Variants in CENPM observed in about 807,000 individuals in gnomAD.
The protein encoded by CENPM is centromere protein M, also known as interphase centromere complex protein 39.
A neutral mutation model predicts 19.6 loss-of-function variants in CENPM; 14 were observed. That is an observed-to-expected ratio of 0.71 (90% CI 0.47 to 1.11). The LOEUF (loss-of-function observed/expected upper bound fraction) is 1.11. Ranked by LOEUF, CENPM falls within the 50% of genes most tolerant of loss-of-function variation. The pLI is 0.00. For synonymous variants in CENPM, 114 were observed against 101.5 expected (o/e 1.12, Z -0.74); for missense variants, 239 against 228.4 (o/e 1.05, Z -0.30).
chr22:41,929,892 G>A, the CENPM span, among the ~76,000 whole-genome samples: 1 of 151,666 alleles, frequency 6.6e-6, no homozygotes, highest in Non-Finnish European at 1.5e-5. Context: ...ACCAATGTGG[G>A]GAATGTTAGT....
the CENPM span, among the ~76,000 whole-genome samples, chr22:41,933,151 A>G: frequency 1.3e-5 from 2 of 152,166 alleles, no homozygotes; most frequent in Non-Finnish European, 2.9e-5. Context: ...GAGAAGGCCC[A>G]GTGACCAGGA....
chr22:41,935,594 C>T (rs1425090308), downstream of CENPM, among the ~76,000 whole-genome samples: 2 of 152,172 alleles, frequency 1.3e-5, no homozygotes, highest in Admixed American at 1.3e-4. Flanking sequence ...AGCCTCCCCT[C>T]CTCAAGCAGA....
At chr22:41,941,012 C>T (rs2077734024) in intron 5 of CENPM, among the ~76,000 whole-genome samples, 1 of 152,186 alleles carries the variant, frequency 6.6e-6, no homozygotes, top group Non-Finnish European at 1.5e-5. Flanking sequence ...GCTCCCAGAG[C>T]TCAGCAAATC....
At chr22:41,928,134 C>A in the CENPM span, 1 of 400,652 alleles carries the variant, frequency 2.5e-6, no homozygotes, top group South Asian at 1.9e-5. The surrounding 1 kb of genome is among the most constrained non-coding windows in gnomAD (Gnocchi z 4.0). Context: ...ACGAGGGAGC[C>A]ACTGGGGCTT....
rs746777274 is a variant in CENPM, at chr22:41,939,061, G to A, written c.538C>T (p.Leu180=). Residue 180 remains leucine (L), a synonymous_variant, in exon 6 of 6, where the codon CTG becomes TTG. Coordinates refer to ENST00000215980, the MANE Select transcript of CENPM (RefSeq NM_024053.5). Reference sequence around the variant, plus strand: ...AGCCCAGGGGCCAGCCACCCTCACAGGTCCTCCAGGGAGGGGCCCTCAGAG... The same window carrying A: ...AGCCCAGGGGCCAGCCACCCTCACAAGTCCTCCAGGGAGGGGCCCTCAGAG... ...RSSEGPSLED[L] 6.2e-7 allele frequency: 1 copy of A among 1,612,912 alleles called. No individual in the cohort carries two copies. The highest frequency in any genetic ancestry group is 1.7e-4 in the Middle Eastern group (1 of 6,052).
chr22:41,933,280 G>A, the CENPM span, among the ~76,000 whole-genome samples: 16,109 of 151,682 alleles, frequency 0.11, 1,454 homozygotes, highest in Admixed American at 0.28. Context: ...AAAGGGGCCC[G>A]CCAGGCAGCC....
chr22:41,946,997 G>A lies in CENPM; in HGVS notation c.57+23C>T, dbSNP rs549358080. ...CGCCCAGGAGGAAAAACCGGCGGGG[G>A]AAGCAGGGCCGCCTGCACCTACCAA... On this transcript the variant is annotated intron_variant, in intron 1 of 5. Coordinates refer to ENST00000215980, the MANE Select transcript of CENPM (RefSeq NM_024053.5). 95 of 1,611,830 alleles carry A rather than the reference G, an allele frequency of 5.9e-5. No homozygotes were observed. The African/African-American group carries it at 9.9e-4, about 17-fold the overall frequency.
downstream of CENPM, among the ~76,000 whole-genome samples, chr22:41,937,972 T>C (rs2146598944): frequency 6.6e-6 from 1 of 151,924 alleles, no homozygotes; most frequent in Admixed American, 6.6e-5. Context: ...GCCTCCCAAG[T>C]AGCTAGGACT....
chr22:41,932,761 G>C, the CENPM span, among the ~76,000 whole-genome samples: 3 of 152,214 alleles, frequency 2.0e-5, no homozygotes, highest in Admixed American at 2.0e-4. This position sits in a 1 kb window ranked among gnomAD's most constrained non-coding sequence, Gnocchi z 4.3. Flanking sequence ...GTAGGCAAGG[G>C]GGAGAGGAAC....
At chr22:41,937,362 C>G (rs1211284558), downstream of CENPM, among the ~76,000 whole-genome samples, 4 of 152,198 alleles carry the variant, frequency 2.6e-5, no homozygotes, top group African/African-American at 9.7e-5. Context: ...GTGGTACGAT[C>G]TCAGCTCACT....
the CENPM span, among the ~76,000 whole-genome samples, chr22:41,933,589 C>T: frequency 6.6e-6 from 1 of 152,276 alleles, no homozygotes; most frequent in East Asian, 1.9e-4. Context: ...CTGCCCTCAG[C>T]AGCCCCCAGT....
chr22:41,943,419 G>A (rs1451138743), intron 5 of CENPM, among the ~76,000 whole-genome samples, 191 bp downstream of exon 5: 1 of 152,188 alleles, frequency 6.6e-6, no homozygotes, highest in Non-Finnish European at 1.5e-5. Context: ...GGCTCAGGGT[G>A]ACCTGCCCAG....
the CENPM span, among the ~76,000 whole-genome samples, chr22:41,929,154 A>ATGTG: frequency 6.7e-6 from 1 of 148,684 alleles, no homozygotes; most frequent in African/African-American, 2.5e-5. Flanking sequence ...TGTACGGTAC[A>ATGTG]GGGATGGGGG....
intron 5 of CENPM, among the ~76,000 whole-genome samples, chr22:41,939,852 GAAAGAAAGAAAGAAAGAAAGAAAGAA>G (rs1569425843): frequency 2.1e-4 from 2 of 9,444 alleles, no homozygotes; most frequent in African/African-American, 1.5e-3. Context: ...AAGAAAGAAA[GAAAGAAAGAAAGAAAGAAAGAAAGAA>G]AAAGAAAGAA....
At chr22:41,938,363 C>CTT (rs564451166), downstream of CENPM, among the ~76,000 whole-genome samples, 1,777 of 94,378 alleles carry the variant, frequency 0.019, 139 homozygotes, top group South Asian at 0.03. Flanking sequence ...GCTGGTCTCG[C>CTT]TTTTTTTTTT....
chr22:41,937,956 G>A (rs988370651), downstream of CENPM, among the ~76,000 whole-genome samples: 3 of 151,644 alleles, frequency 2.0e-5, no homozygotes, highest in African/African-American at 7.3e-5. Context: ...CCGGTCTTCT[G>A]CCTCAGCCTC....
At chr22:41,944,502 T>C (rs1251083200) in intron 4 of CENPM, 1 of 230,720 alleles carries the variant, frequency 4.3e-6, no homozygotes, top group East Asian at 1.8e-4. Context: ...ACCTTGGCTC[T>C]ACCACTTTTC....
chr22:41,932,934 T>C, the CENPM span, among the ~76,000 whole-genome samples: 1 of 151,944 alleles, frequency 6.6e-6, no homozygotes, highest in Non-Finnish European at 1.5e-5. This position sits in a 1 kb window ranked among gnomAD's most constrained non-coding sequence, Gnocchi z 4.3. Flanking sequence ...TCTGGGGAAA[T>C]AGCAGGGAAG....
chr22:41,936,914 A>G (rs1340064346), downstream of CENPM, among the ~76,000 whole-genome samples: 2 of 152,064 alleles, frequency 1.3e-5, no homozygotes, highest in African/African-American at 4.8e-5. Context: ...GCGACAGAGC[A>G]AGACTCCACA....
Sources: allele counts gnomAD v4.1 joint callset (sites outside exome capture counted in the v4.1 genomes callset), GRCh38; gene constraint gnomAD v4.1.1; non-coding constraint Gnocchi (gnomAD v3.1); transcripts MANE v1.5; gene names NCBI Gene and HGNC (gene_info 2026-07-23, HGNC 2026-07-21).